The following ATRN variants were observed in gnomAD, a reference collection of about 807,000 sequenced individuals.
The protein encoded by ATRN is attractin-2.
Under a neutral mutation model 178.7 loss-of-function variants are expected in ATRN, and 54 were observed. That is an observed-to-expected ratio of 0.30 (90% confidence interval 0.24 to 0.38). The LOEUF (loss-of-function observed/expected upper bound fraction) is 0.38. Ranked by LOEUF, ATRN falls within the 10% of genes least tolerant of loss-of-function variation. The probability of loss-of-function intolerance (pLI) is 1.00; values close to 1 mark genes in which losing one functional copy is unlikely to be tolerated. For synonymous variants in ATRN, 636 were observed against 663.0 expected, an observed-to-expected ratio of 0.96 and a Z score of 0.63; for missense variants, 1,443 against 1,815.1, an observed-to-expected ratio of 0.79 and a Z score of 3.73.
chr20:3,572,805 A>G lies in ATRN; in HGVS notation c.1946A>G (p.Asp649Gly), dbSNP rs1334604151. The stretch of plus-strand genomic sequence containing the variant: ...CTGGTATTCACCTCGGAACAGTGTG[A>G]TGCGCATCGGAGTGAAGCCGCTTGT... ...DILVFTSEQC[D>G]AHRSEAACLA... Residue 649 changes from aspartate (D) to glycine (G), a missense_variant, in exon 12 of 29, where the codon GAT becomes GGT. Asp to Gly is a moderately conservative substitution (Grantham distance 94). Around this residue, in one of 4 missense-constraint regions of ATRN, gnomAD observed 862 missense variants for 972.1 expected, o/e 0.89. Coordinates refer to ENST00000262919, the MANE Select transcript of ATRN (RefSeq NM_139321.3). 1.2e-6 allele frequency: 2 copies of G among 1,613,750 alleles called. No homozygotes were observed. Among genetic ancestry groups the G allele is most frequent in the Non-Finnish European group, 1.7e-6 (2 of 1,180,014 alleles).
At chr20:3,561,458 A>G (rs2085952471) in intron 8 of ATRN, among the ~76,000 whole-genome samples, 2 of 152,248 alleles carry the variant, frequency 1.3e-5, no homozygotes, top group African/African-American at 2.4e-5. Flanking sequence ...AAGATGACGC[A>G]AAGTGCTTTG....
chr20:3,496,517 A>G (rs1373654582), intron 1 of ATRN, among the ~76,000 whole-genome samples: 1 of 151,986 alleles, frequency 6.6e-6, no homozygotes, highest in Non-Finnish European at 1.5e-5. Flanking sequence ...GGTCTGAGAG[A>G]TAGTTTGTTA....
chr20:3,479,050 C>G (rs187747240), intron 1 of ATRN, among the ~76,000 whole-genome samples: 3 of 151,654 alleles, frequency 2.0e-5, no homozygotes, highest in Non-Finnish European at 2.9e-5. Flanking sequence ...GCCAGTGTGC[C>G]CAGCCAATTT....
intron 3 of ATRN, among the ~76,000 whole-genome samples, chr20:3,542,868 G>A (rs1244430152): frequency 2.0e-5 from 3 of 150,754 alleles, no homozygotes. Context: ...TGAACTCCTG[G>A]GCTCAAGCAG....
At chr20:3,598,265 A>G (rs2086559526) in intron 22 of ATRN, among the ~76,000 whole-genome samples, 1 of 152,228 alleles carries the variant, frequency 6.6e-6, no homozygotes, top group Admixed American at 6.5e-5. Flanking sequence ...TCAGCCCATC[A>G]TGGCCTCATA....
chr20:3,567,216 G>T (rs768944702), intron 11 of ATRN, among the ~76,000 whole-genome samples: 1 of 152,104 alleles, frequency 6.6e-6, no homozygotes, highest in Non-Finnish European at 1.5e-5. Flanking sequence ...CATCTGAAAC[G>T]CAGTGGGACC....
At chr20:3,566,099 G>A (rs2086032114) in intron 11 of ATRN, among the ~76,000 whole-genome samples, 1 of 152,272 alleles carries the variant, frequency 6.6e-6, no homozygotes, top group East Asian at 1.9e-4. Flanking sequence ...AGGTTGTCAA[G>A]TTCCTAGTAG....
chr20:3,471,097 G>T lies in ATRN; in HGVS notation c.-11G>T, dbSNP rs2084411269. On this transcript the variant is annotated 5_prime_UTR_variant, in exon 1 of 29. Transcript: ENST00000262919. ...TATGTGTTCGCGGGGCGCCGTCTCA[G>T]CCCCGGGAAGATGGTGGCTGCAGCG... 1 of 1,509,776 alleles carries T rather than the reference G, an allele frequency of 6.6e-7. No individual in the cohort carries two copies. 93.5% of individuals were successfully genotyped at this position (1,509,776 alleles called of 1,614,324 possible). A position where few individuals can be genotyped will look rare whatever the true frequency, so the allele number is the denominator to read the frequency against.
At chr20:3,561,179 C>T (rs1354808288) in intron 8 of ATRN, among the ~76,000 whole-genome samples, 1 of 152,124 alleles carries the variant, frequency 6.6e-6, no homozygotes, top group African/African-American at 2.4e-5. Flanking sequence ...AAAAATTAGC[C>T]TGTCCTGGTG....
chr20:3,532,302 C>A (rs1487923940), intron 1 of ATRN, among the ~76,000 whole-genome samples: 1 of 152,192 alleles, frequency 6.6e-6, no homozygotes, highest in Non-Finnish European at 1.5e-5. Context: ...GAAGTGTGTA[C>A]ACACACACGG....
intron 23 of ATRN, among the ~76,000 whole-genome samples, chr20:3,601,896 A>G (rs2086615523): frequency 1.3e-5 from 2 of 151,542 alleles, no homozygotes; most frequent in Non-Finnish European, 2.9e-5. Flanking sequence ...AGAAAAAAGG[A>G]TAATCACTAC....
chr20:3,505,559 A>G (rs958156808), intron 1 of ATRN, among the ~76,000 whole-genome samples: 3 of 152,240 alleles, frequency 2.0e-5, no homozygotes, highest in African/African-American at 7.2e-5. Context: ...ACTCTAAAAA[A>G]TGTTCAAGTG....
intron 1 of ATRN, chr20:3,489,957 T>TG: frequency 1.9e-6 from 2 of 1,050,342 alleles, no homozygotes; most frequent in South Asian, 1.3e-5. Flanking sequence ...CTGCTCTTCT[T>TG]GCTCTTCTCC....
chr20:3,522,586 C>T (rs2085310324), intron 1 of ATRN, among the ~76,000 whole-genome samples: 1 of 152,222 alleles, frequency 6.6e-6, no homozygotes. Flanking sequence ...ACTGCCTCCT[C>T]AAGTGGGTCC....
chr20:3,646,801 G>C lies in ATRN; in HGVS notation c.4244G>C (p.Arg1415Thr). 6.2e-7 allele frequency: 1 copy of C among 1,612,548 alleles called. No individual in the cohort carries two copies. The highest frequency in any genetic ancestry group is 8.5e-7 in the Non-Finnish European group (1 of 1,179,426). ...TACAAGGAGAAGTCAGGAGCCGTGA[G>C]AAACCGGAAGCAGCAGCCCCCTGCA... is the stretch of plus-strand genomic sequence containing the variant. ...IVYKEKSGAV[R>T]NRKQQPPAQP... Residue 1415 changes from arginine (R) to threonine (T), a missense_variant, in exon 29 of 29, where the codon AGA becomes ACA. Arg to Thr is a moderately conservative substitution (Grantham distance 71). Around this residue, in one of 4 missense-constraint regions of ATRN, gnomAD observed 289 missense variants for 440.8 expected, o/e 0.66. Coordinates refer to ENST00000262919, the MANE Select transcript of ATRN (RefSeq NM_139321.3).
At chr20:3,634,475 T>C (rs1483317437) in intron 26 of ATRN, 86 bp downstream of exon 26, 1 of 1,202,016 alleles carries the variant, frequency 8.3e-7, no homozygotes, top group East Asian at 2.4e-5. Flanking sequence ...TTTTAGCTAT[T>C]TAGTGATAAT....
At chr20:3,580,481 C>T (rs1454652124) in intron 15 of ATRN, among the ~76,000 whole-genome samples, 1 of 152,146 alleles carries the variant, frequency 6.6e-6, no homozygotes, top group South Asian at 2.1e-4. Flanking sequence ...CTAGATGTAG[C>T]CCAGTTAGTA....
intron 1 of ATRN, among the ~76,000 whole-genome samples, chr20:3,517,275 A>C (rs1198401735): frequency 6.6e-6 from 1 of 152,140 alleles, no homozygotes; most frequent in Non-Finnish European, 1.5e-5. Flanking sequence ...AATAGGTTAC[A>C]TATAATATGT....
rs747523151 is a variant in ATRN, at chr20:3,600,972, C to T, written c.3591C>T (p.Ile1197=). ...AAAACAGGGATTTGGACATGTTCAT[C>T]AATGCCTCCAAGAATTTCAACCTCA... ...DEQNRDLDMF[I]NASKNFNLNI... Residue 1197 remains isoleucine, a synonymous_variant, in exon 23 of 29, where the codon ATC becomes ATT. Coordinates refer to ENST00000262919, the MANE Select transcript of ATRN (RefSeq NM_139321.3). The T allele has an allele frequency of 8.1e-6, 13 of 1,613,918 alleles. No individual in the cohort carries two copies. The highest frequency in any genetic ancestry group is 1.1e-5 in the Non-Finnish European group (13 of 1,179,854).
Sources: gnomAD v4.1 joint callset for allele counts (sites outside exome capture counted in the v4.1 genomes callset) on GRCh38, gnomAD v4.1.1 for gene constraint, gnomAD v4.1.1 regional missense constraint, MANE v1.5 for transcripts, NCBI Gene and HGNC (gene_info 2026-07-23, HGNC 2026-07-21) for gene names.